Variants in DNAH5 observed in about 807,000 individuals in gnomAD.
DNAH5 encodes the protein axonemal beta dynein heavy chain 5.
In DNAH5, 372 loss-of-function variants were observed where a neutral mutation model predicts 518.2. The observed-to-expected ratio is 0.72, with a 90% CI of 0.66 to 0.78. The LOEUF is 0.78. Among genes scored for constraint, DNAH5 ranks in the 30% least tolerant of loss-of-function variants. The pLI, the probability that DNAH5 is intolerant of heterozygous loss-of-function variation, is 0.00. For missense variants in DNAH5, 5,523 were observed against 5,687.0 expected (o/e 0.97, Z 0.93); for synonymous variants, 2,039 against 2,025.9 (o/e 1.01, Z -0.17).
intron 29 of DNAH5, among the ~76,000 whole-genome samples, chr5:13,861,974 A>C (rs1768505594): frequency 6.9e-6 from 1 of 143,886 alleles, no homozygotes; most frequent in Non-Finnish European, 1.5e-5. Context: ...AAAAAAAAAA[A>C]AACAAGTTCA....
chr5:13,825,170 C>A, intron 38 of DNAH5, among the ~76,000 whole-genome samples: 1 of 151,890 alleles, frequency 6.6e-6, no homozygotes, highest in South Asian at 2.1e-4. Context: ...GATGAAACCC[C>A]ATCTCTACCA....
chr5:13,940,918 C>T (rs1779399833), intron 1 of DNAH5, among the ~76,000 whole-genome samples: 1 of 152,206 alleles, frequency 6.6e-6, no homozygotes. Flanking sequence ...GCACTTAGTA[C>T]AAAGTAGGCA....
intron 75 of DNAH5, among the ~76,000 whole-genome samples, chr5:13,713,466 T>TATATATAC (rs1158251022): frequency 3.5e-4 from 34 of 98,282 alleles, no homozygotes; most frequent in African/African-American, 8.1e-4. Flanking sequence ...TATATATATA[T>TATATATAC]ACACACACCG....
rs149892711 is a variant in DNAH5 at position 13,735,207 on chromosome 5, G to A, written c.11685C>T (p.Phe3895=). The A allele has an allele frequency of 4.3e-6, 7 of 1,613,988 alleles. No individual in the cohort carries two copies. Among genetic ancestry groups the A allele is most frequent in the Non-Finnish European group, 5.9e-6 (7 of 1,179,996 alleles). ...CAATCTTTAGGGTAAGCAACAAGGT[G>A]AACAGGAATTTGTGCTCCTCGTACA... The part of the protein sequence containing the change: ...RGLYEEHKFL[F]TLLLTLKIDI... The change falls in exon 68 of 79, where the codon TTC becomes TTT. Residue 3895 remains phenylalanine (F), a synonymous_variant. Coordinates refer to ENST00000265104, the MANE Select transcript of DNAH5 (RefSeq NM_001369.3).
Position 13,792,736 on chromosome 5 carries a change from T to C in DNAH5, c.8225-519A>G, listed in dbSNP as rs564525807. 5.9e-5 allele frequency among the ~76,000 whole-genome samples: 9 copies of C among 152,360 alleles called. No individual in the cohort carries two copies. The South Asian group carries it at 1.9e-3, about 32-fold the overall frequency. ...CCAATGTCTGTTGGTTTCCAGACCT[T>C]GCTCACTGCTGTGACTGAAGGGAGA... is the stretch of plus-strand genomic sequence containing the variant. On this transcript the variant is annotated intron_variant, in intron 49 of 78. Transcript: ENST00000265104.
upstream of DNAH5, among the ~76,000 whole-genome samples, chr5:13,949,118 G>A (rs140301455): frequency 6.6e-6 from 1 of 152,268 alleles, no homozygotes; most frequent in Non-Finnish European, 1.5e-5. Context: ...CCCAGCTTGG[G>A]TAAAGAATCA....
intron 23 of DNAH5, 137 bp downstream of exon 23, chr5:13,871,427 C>A: frequency 1.3e-6 from 1 of 758,678 alleles, no homozygotes; most frequent in Non-Finnish European, 2.1e-6. Flanking sequence ...TTTAAAAATC[C>A]ACAAATTGGT....
At chr5:14,011,253 C>A (rs1254458955) in intron 1 of DNAH5, among the ~76,000 whole-genome samples, 1 of 152,174 alleles carries the variant, frequency 6.6e-6, no homozygotes, top group African/African-American at 2.4e-5. Context: ...GCGACCTTCG[C>A]CACACCTGGA....
rs878895562 is a variant in DNAH5 at position 13,771,330 on chromosome 5, C to T, written c.9374-350G>A. Reference sequence around the variant, plus strand: ...GGTACAAATAACTCAGAAATCAGTGCCCACCTGGTACTCATATTTAACAAT... The same window carrying T: ...GGTACAAATAACTCAGAAATCAGTGTCCACCTGGTACTCATATTTAACAAT... On this transcript the variant is annotated intron_variant, in intron 55 of 78. Transcript: ENST00000265104. 1.3e-4 allele frequency: 41 copies of T among 307,822 alleles called. No individual in the cohort carries two copies. In the Admixed American group the frequency reaches 1.7e-3, roughly 12 times the overall value. The allele number at this position is 307,822 out of a possible 1,614,324, so 19.1% of individuals were successfully genotyped here. A position where few individuals can be genotyped will look rare whatever the true frequency, so the allele number is the denominator to read the frequency against.
At chr5:13,789,747 T>G (rs1352123467) in intron 50 of DNAH5, among the ~76,000 whole-genome samples, 1 of 152,222 alleles carries the variant, frequency 6.6e-6, no homozygotes, top group African/African-American at 2.4e-5. Flanking sequence ...AATGGCTATT[T>G]CAATAGTAAT....
At position 13,966,732 on chromosome 5, in the gene DNAH5, T is replaced by TC; in HGVS notation, c.13-35489dup. On this transcript the variant is annotated intron_variant, in intron 1 of 78. Coordinates refer to the DNAH5 transcript ENST00000681290. ...GTTTGATTTTTTCTTGCCGATTTGT[T>TC]CGAGTTCCTTGTAGATTCTGGATAT... 1.3e-5 allele frequency among the ~76,000 whole-genome samples: 2 copies of TC among 152,350 alleles called. 1 individual carries two copies. Among genetic ancestry groups the TC allele is most frequent in the Non-Finnish European group, 2.9e-5 (2 of 68,040 alleles).
chr5:13,994,816 C>T (rs943604911), intron 1 of DNAH5, among the ~76,000 whole-genome samples: 4 of 152,152 alleles, frequency 2.6e-5, no homozygotes, highest in African/African-American at 9.7e-5. Flanking sequence ...ACCGCATTTG[C>T]CTATAAAATT....
chr5:13,880,540 C>T (rs1771510670), intron 21 of DNAH5, among the ~76,000 whole-genome samples: 1 of 151,532 alleles, frequency 6.6e-6, no homozygotes, highest in African/African-American at 2.4e-5. Context: ...AATGTGACAC[C>T]AAAAACTTAA....
chr5:13,748,372 G>A (rs1334936109), intron 65 of DNAH5, among the ~76,000 whole-genome samples: 1 of 151,940 alleles, frequency 6.6e-6, no homozygotes. Flanking sequence ...CTCTTTTTTT[G>A]GTTCCATATG....
At chr5:13,715,166 G>C (rs772446194) in intron 74 of DNAH5, among the ~76,000 whole-genome samples, 1 of 152,066 alleles carries the variant, frequency 6.6e-6, no homozygotes, top group African/African-American at 2.4e-5. Flanking sequence ...TGGGACACAG[G>C]CAGAAGCAGG....
At chr5:13,905,720 C>A (rs1385278301) in intron 12 of DNAH5, among the ~76,000 whole-genome samples, 1 of 152,056 alleles carries the variant, frequency 6.6e-6, no homozygotes, top group Non-Finnish European at 1.5e-5. Flanking sequence ...TTGATGGATT[C>A]TTATAAAACT....
intron 56 of DNAH5, 85 bp downstream of exon 56, chr5:13,770,664 A>G (rs1753210574): frequency 5.7e-6 from 7 of 1,224,342 alleles, no homozygotes; most frequent in Non-Finnish European, 8.3e-6. Flanking sequence ...GTCTCCGGTC[A>G]TTGCAAAATA....
chr5:13,802,717 T>C (rs1288487399), intron 47 of DNAH5, among the ~76,000 whole-genome samples: 1 of 152,176 alleles, frequency 6.6e-6, no homozygotes, highest in African/African-American at 2.4e-5. Context: ...ATTCACGCAA[T>C]CATCTTTGTG....
intron 60 of DNAH5, 50 bp downstream of exon 60, chr5:13,762,672 C>G (rs1171675848): frequency 1.3e-6 from 2 of 1,566,868 alleles, no homozygotes; most frequent in East Asian, 4.5e-5. Context: ...ACGGGTCGAC[C>G]TGGAGACTCC....
Sources: gnomAD v4.1 joint callset for allele counts (sites outside exome capture counted in the v4.1 genomes callset) on GRCh38, gnomAD v4.1.1 for gene constraint, MANE v1.5 for transcripts, NCBI Gene and HGNC (gene_info 2026-07-23, HGNC 2026-07-21) for gene names.